GMPPA: variants seen among roughly 807,000 people sequenced by gnomAD.
GMPPA encodes mannose-1-phosphate guanylyltransferase regulatory subunit alpha.
In GMPPA, 46 loss-of-function variants were observed where a neutral mutation model predicts 58.6. That is an observed-to-expected ratio of 0.78 (90% CI 0.62 to 1.00). GMPPA has a LOEUF of 1.00. Ranked by LOEUF, GMPPA falls within the 50% of genes least tolerant of loss-of-function variation. GMPPA has a pLI of 0.00. For missense variants in GMPPA, 468 were observed against 556.4 expected, an observed-to-expected ratio of 0.84 and a Z score of 1.60; for synonymous variants, 211 against 214.9, an observed-to-expected ratio of 0.98 and a Z score of 0.16.
At chr2:219,506,660 T>A (rs759680749) in intron 12 of GMPPA, 38 bp from the exon 13 acceptor site, 2 of 1,220,550 alleles carry the variant, frequency 1.6e-6, no homozygotes, top group Admixed American at 3.4e-5. Flanking sequence ...CTGTCTCCCC[T>A]CCCATGACCT....
chr2:219,500,206 A>G lies in GMPPA; in HGVS notation c.126A>G (p.Glu42=). ...AGVPMIQHHI[E]ACAQVPGMQE... ...TCCCTATGATCCAACACCATATTGA[A>G]GCCTGTGCCCAGGTAACCTCAGGGG... Residue 42 remains glutamate (E), a synonymous_variant, in exon 3 of 13, where the codon GAA becomes GAG. Coordinates refer to ENST00000313597, the MANE Select transcript of GMPPA (RefSeq NM_013335.4). 1 of 1,566,758 alleles carries G rather than the reference A, an allele frequency of 6.4e-7. No homozygotes were observed. Among genetic ancestry groups the G allele is most frequent in the East Asian group, 2.3e-5 (1 of 43,542 alleles).
intron 4 of GMPPA, 50 bp downstream of exon 4, chr2:219,501,629 C>CT: frequency 8.3e-7 from 1 of 1,206,458 alleles, no homozygotes; most frequent in Non-Finnish European, 1.2e-6. Flanking sequence ...CCCTAGGCCT[C>CT]TGAGTTCTTG....
intron 7 of GMPPA, 112 bp downstream of exon 7, chr2:219,504,325 C>T (rs925286515): frequency 1.1e-5 from 11 of 978,046 alleles, no homozygotes; most frequent in Middle Eastern, 3.0e-4. Context: ...CCTCCCCTCT[C>T]CCTTCTCCAC....
At position 219,506,915 on chromosome 2, in the gene GMPPA, G is replaced by T; in HGVS notation, c.*117G>T. On this transcript the variant is annotated 3_prime_UTR_variant, in exon 13 of 13. Coordinates refer to ENST00000313597, the MANE Select transcript of GMPPA (RefSeq NM_013335.4). ...GCCAGGCTGGATCGTCACATGCCGG[G>T]GAGCAATGTGGATGGCCTGGGGACT... 1 of 655,330 alleles carries T rather than the reference G, an allele frequency of 1.5e-6. No individual in the cohort carries two copies. The highest frequency in any genetic ancestry group is 2.8e-6 in the Non-Finnish European group (1 of 359,396). The allele number at this position is 655,330 out of a possible 1,614,324, so 40.6% of individuals were successfully genotyped here.
chr2:219,504,447 G>T, intron 7 of GMPPA: 1 of 570,946 alleles, frequency 1.8e-6, no homozygotes, highest in Non-Finnish European at 3.1e-6. Flanking sequence ...TCCCCTTCTG[G>T]TCCATTTCTC....
At chr2:219,504,415 T>A (rs551687345) in intron 7 of GMPPA, 88 of 591,350 alleles carry the variant, frequency 1.5e-4, no homozygotes, top group African/African-American at 1.4e-3. Flanking sequence ...TCCCAGTTCC[T>A]CCTCTGTCAC....
In GMPPA at chr2:219,506,780, C is replaced by T. The variant is rs1399815867; in HGVS notation, c.1245C>T (p.Thr415=). The change falls in exon 13 of 13, where the codon ACC becomes ACT. Residue 415 remains threonine (T), a synonymous_variant. Transcript: ENST00000313597. ...LPHKELSRSF[T]NQIIL is the part of the protein sequence containing the mutation. ...ACAAGGAGCTGAGCCGAAGCTTCAC[C>T]AACCAGATCATCCTCTGAGTAGGGC... 2 of 1,553,364 alleles carry T rather than the reference C, an allele frequency of 1.3e-6. No homozygotes were observed. The highest frequency in any genetic ancestry group is 8.9e-7 in the Non-Finnish European group (1 of 1,124,664).
At position 219,501,968 on chromosome 2, in the gene GMPPA, C is replaced by T. The variant is rs1018038018; in HGVS notation, c.360C>T (p.Asp120=). ...TGCTCAATGCTGATGTCTGCTCCGA[C>T]TTCCCCTTGAGTGCTATGTTGGAAG... ...FFVLNADVCS[D]FPLSAMLEAH... is the part of the protein sequence containing the mutation. The change falls in exon 5 of 13, where the codon GAC becomes GAT. Residue 120 remains aspartate (D), a synonymous_variant. Coordinates refer to ENST00000313597, the MANE Select transcript of GMPPA (RefSeq NM_013335.4). The T allele has an allele frequency of 1.2e-6, 2 of 1,614,108 alleles. No individual in the cohort carries two copies. Among genetic ancestry groups the T allele is most frequent in the Non-Finnish European group, 1.7e-6 (2 of 1,180,054 alleles).
At chr2:219,504,304 C>A in intron 7 of GMPPA, 91 bp downstream of exon 7, 1 of 1,230,428 alleles carries the variant, frequency 8.1e-7, no homozygotes, top group Non-Finnish European at 1.2e-6. Flanking sequence ...TCTCAACTTG[C>A]TCACCTTCCT....
chr2:219,502,126 C>A lies in GMPPA; in HGVS notation c.429+89C>A, dbSNP rs894147817. 8.0e-6 allele frequency: 11 copies of A among 1,367,810 alleles called. No homozygotes were observed. Among genetic ancestry groups the A allele is most frequent in the Middle Eastern group, 2.2e-4 (1 of 4,538 alleles). 84.7% of individuals were successfully genotyped at this position (1,367,810 alleles called of 1,614,324 possible). A position where few individuals can be genotyped will look rare whatever the true frequency, so the allele number is the denominator to read the frequency against. The stretch of plus-strand genomic sequence containing the variant: ...GGGTGTTGGGGAGGCAGGGGCGCCC[C>A]GGGAGTTGGTGTGGGAGCTGGCGTC... On this transcript the variant is annotated intron_variant, in intron 5 of 12. Transcript: ENST00000313597. This position sits in a 1 kb window ranked among gnomAD's most constrained non-coding sequence, Gnocchi z 4.0.
At chr2:219,506,470 C>G in intron 12 of GMPPA, 48 bp downstream of exon 12, 4 of 1,551,100 alleles carry the variant, frequency 2.6e-6, no homozygotes, top group Non-Finnish European at 3.5e-6. Context: ...CAGCTGATGG[C>G]CAGTGGCCCC....
chr2:219,501,778 C>T (rs567070877), intron 4 of GMPPA, 73 bp from the exon 5 acceptor site: 33 of 1,366,038 alleles, frequency 2.4e-5, no homozygotes, highest in South Asian at 1.8e-4. Context: ...CAAGCGGTGG[C>T]GGTCAGGTGC....
intron 7 of GMPPA, chr2:219,504,929 G>T: frequency 9.5e-7 from 1 of 1,057,312 alleles, no homozygotes; most frequent in South Asian, 2.6e-5. Flanking sequence ...AGGGGGTAAA[G>T]GGCTGAATGG....
chr2:219,501,656 G>A, intron 4 of GMPPA, 77 bp downstream of exon 4: 1 of 1,002,970 alleles, frequency 1.0e-6, no homozygotes, highest in Non-Finnish European at 1.6e-6. Context: ...GGTTGAGTCA[G>A]CATTTGCTGG....
chr2:219,499,768 G>A (rs147660412), intron 1 of GMPPA, 188 bp from the exon 2 acceptor site: 9 of 625,462 alleles, frequency 1.4e-5, no homozygotes, highest in South Asian at 1.3e-4. Context: ...TGGTTGGGGT[G>A]TGAGATCTGA....
chr2:219,499,904 G>C, intron 1 of GMPPA, 52 bp from the exon 2 acceptor site: 1 of 1,441,990 alleles, frequency 6.9e-7, no homozygotes, highest in Non-Finnish European at 9.8e-7. Context: ...TGGGTTTTGG[G>C]GCTTGGTTGG....
At position 219,506,746 on chromosome 2, in the gene GMPPA, T is replaced by A; in HGVS notation, c.1211T>A (p.Val404Asp). Residue 404 changes from valine (V) to aspartate (D), a missense_variant, in exon 13 of 13, where the codon GTT (valine) becomes GAT (aspartate). Coordinates refer to ENST00000313597, the MANE Select transcript of GMPPA (RefSeq NM_013335.4). Reference protein sequence around the residue: ...PAEVLILNSIVLPHKELSRSF... With the variant: ...PAEVLILNSIDLPHKELSRSF... ...GAGGTGCTCATCCTGAACTCGATTG[T>A]TCTGCCACACAAGGAGCTGAGCCGA... is the stretch of plus-strand genomic sequence containing the variant. 2.5e-6 allele frequency: 4 copies of A among 1,608,640 alleles called. No homozygotes were observed. The highest frequency in any genetic ancestry group is 3.4e-6 in the Non-Finnish European group (4 of 1,175,152).
At position 219,502,444 on chromosome 2, in the gene GMPPA, G is replaced by A; in HGVS notation, c.489+3G>A. 1 of 1,613,028 alleles carries A rather than the reference G, an allele frequency of 6.2e-7. No homozygotes were observed. Among genetic ancestry groups the A allele is most frequent in the South Asian group, 1.1e-5 (1 of 91,010 alleles). On this transcript the variant is annotated splice_donor_region_variant and intron_variant, in intron 6 of 12. Coordinates refer to ENST00000313597, the MANE Select transcript of GMPPA (RefSeq NM_013335.4). The surrounding 1 kb of genome is among the most constrained non-coding windows in gnomAD (Gnocchi z 4.0). ...TTGAGAATCCACAGACACACGAGGT[G>A]AGAGCAGAGTGGGGGCTGGGTGGGT...
At chr2:219,504,856 G>A (rs2125638259) in intron 7 of GMPPA, 7 of 1,085,058 alleles carry the variant, frequency 6.5e-6, no homozygotes, top group South Asian at 3.3e-5. Flanking sequence ...CTCACCAGCT[G>A]CCTTGCTCTG....
Sources: gnomAD v4.1 joint callset for allele counts on GRCh38, gnomAD v4.1.1 for gene constraint, Gnocchi (gnomAD v3.1) non-coding constraint, MANE v1.5 for transcripts, NCBI Gene and HGNC (gene_info 2026-07-23, HGNC 2026-07-21) for gene names.